MOBP: variants seen among roughly 807,000 people sequenced by gnomAD.
MOBP encodes myelin associated oligodendrocyte basic protein, also known as myelin-associated oligodendrocyte basic protein.
A neutral mutation model predicts 15.0 loss-of-function variants in MOBP; 5 were observed. The observed-to-expected ratio is 0.33, with a 90% CI of 0.17 to 0.70. MOBP has a LOEUF of 0.70. Among genes scored for constraint, MOBP ranks in the 30% least tolerant of loss-of-function variants. MOBP has a pLI of 0.67. For synonymous variants in MOBP, 88 were observed against 99.0 expected, an observed-to-expected ratio of 0.89 and a Z score of 0.66; for missense variants, 188 against 257.8, an observed-to-expected ratio of 0.73 and a Z score of 1.85.
chr3:39,482,592 C>T (rs931621793), intron 2 of MOBP, among the ~76,000 whole-genome samples: 7 of 144,596 alleles, frequency 4.8e-5, no homozygotes, highest in South Asian at 2.2e-4. Context: ...GTGGAGCTTG[C>T]AGTGAGCAGA....
chr3:39,521,947 G>C (rs944987584), intron 3 of MOBP, among the ~76,000 whole-genome samples: 2 of 152,186 alleles, frequency 1.3e-5, no homozygotes, highest in African/African-American at 4.8e-5. Context: ...ATTGGTTGAT[G>C]GTCTTGTGGT....
At chr3:39,484,911 G>T (rs2042679856) in intron 2 of MOBP, among the ~76,000 whole-genome samples, 1 of 152,178 alleles carries the variant, frequency 6.6e-6, no homozygotes, top group Non-Finnish European at 1.5e-5. Context: ...ACATTAGTTT[G>T]TCCTTGTTGC....
At chr3:39,528,642 A>G (rs901968318), downstream of MOBP, 4 of 152,264 alleles carry the variant, frequency 2.6e-5, no homozygotes, top group African/African-American at 9.6e-5. Context: ...GTTTCTTTCT[A>G]TAAGGAGACA....
rs1559411940 is a variant in MOBP, at chr3:39,469,028, A to ATATACATATATACATATGTGTGTG, written c.-89+1292_-89+1293insCATATATACATATGTGTGTGTATA. 4.1e-4 allele frequency among the ~76,000 whole-genome samples: 22 copies of ATATACATATATACATATGTGTGTG among 53,966 alleles called. 3 individuals carry two copies. In the East Asian group the frequency reaches 5.0e-3, roughly 12 times the overall value. The allele number at this position is 53,966 out of a possible 152,430, so 35.4% of individuals were successfully genotyped here. On this transcript the variant is annotated intron_variant, in intron 1 of 3. Transcript: ENST00000684792. Reference sequence around the variant, plus strand: ...TATACATATATACATATGTGTGTATATATATACATATATACATATGTGTGT... The same window carrying ATATACATATATACATATGTGTGTG: ...TATACATATATACATATGTGTGTATATATACATATATACATATGTGTGTGTATATACATATATACATATGTGTGT...
chr3:39,503,334 C>T (rs1397972173), downstream of MOBP, among the ~76,000 whole-genome samples: 2 of 152,204 alleles, frequency 1.3e-5, no homozygotes, highest in Admixed American at 1.3e-4. Context: ...TTCACTCATT[C>T]ACTTACTCAA....
chr3:39,467,881 C>T (rs1471958112), intron 1 of MOBP, 141 bp downstream of exon 1: 1 of 152,114 alleles, frequency 6.6e-6, no homozygotes, highest in South Asian at 2.1e-4. Flanking sequence ...AGAGGACATA[C>T]AAGGATGGAG....
chr3:39,495,077 T>G (rs2042858295), intron 2 of MOBP, among the ~76,000 whole-genome samples: 1 of 152,148 alleles, frequency 6.6e-6, no homozygotes, highest in South Asian at 2.1e-4. Flanking sequence ...AGGAGTAAAC[T>G]GCTAGACTAC....
intron 2 of MOBP, among the ~76,000 whole-genome samples, chr3:39,491,177 G>A (rs77060785): frequency 0.11 from 17,254 of 152,082 alleles, 1,210 homozygotes; most frequent in Middle Eastern, 0.19. Context: ...TAGGTATGTC[G>A]CAGTGATGTC....
Position 39,487,323 on chromosome 3 carries a change from C to G in MOBP, c.-5+7200C>G, listed in dbSNP as rs189158581. Among the ~76,000 whole-genome samples, 9 of 152,064 alleles carry G rather than the reference C, an allele frequency of 5.9e-5. No individual in the cohort carries two copies. In the East Asian group the frequency reaches 1.7e-3, roughly 29 times the overall value. ...TTATTTGTTGAAGAATCTATCTGCC[C>G]CCTACCAATTTATAATAACATCCCT... On this transcript the variant is annotated intron_variant, in intron 2 of 3. Transcript: ENST00000684792.
chr3:39,468,855 G>A lies in MOBP; in HGVS notation c.-89+1115G>A, dbSNP rs13321580. ...TGTGTGTATATATACATATATACATGAGTGTGTATATATACATATATACAT... is the reference window on the plus strand; with the variant it reads ...TGTGTGTATATATACATATATACATAAGTGTGTATATATACATATATACAT... On this transcript the variant is annotated intron_variant, in intron 1 of 3. Coordinates refer to ENST00000684792, the MANE Select transcript of MOBP (RefSeq NM_001393704.1). Among the ~76,000 whole-genome samples, 55 of 83,076 alleles carry A rather than the reference G, an allele frequency of 6.6e-4. 7 individuals are homozygous for A. The highest frequency in any genetic ancestry group is 3.3e-3 in the African/African-American group (32 of 9,568). The allele number at this position is 83,076 out of a possible 152,430, so 54.5% of individuals were successfully genotyped here.
downstream of MOBP, among the ~76,000 whole-genome samples, chr3:39,519,119 CA>C (rs2043236499): frequency 2.0e-5 from 3 of 152,248 alleles, no homozygotes; most frequent in South Asian, 6.2e-4. Flanking sequence ...AATCTTGATG[CA>C]GGAAGAAGAA....
Position 39,502,840 on chromosome 3 carries a change from G to A in MOBP, c.512G>A (p.Ser171Asn). 6.7e-7 allele frequency: 1 copy of A among 1,489,672 alleles called. No homozygotes were observed. The highest frequency in any genetic ancestry group is 9.0e-7 in the Non-Finnish European group (1 of 1,112,360). 92.3% of individuals were successfully genotyped at this position (1,489,672 alleles called of 1,614,324 possible). A position where few individuals can be genotyped will look rare whatever the true frequency, so the allele number is the denominator to read the frequency against. Residue 171 changes from serine (S) to asparagine (N), a missense_variant, in exon 4 of 4, where the codon AGC (serine) becomes AAC (asparagine). Ser to Asn is a conservative substitution (Grantham distance 46). Transcript: ENST00000684792. This position sits in a 1 kb window ranked among gnomAD's most constrained non-coding sequence, Gnocchi z 6.3. ...AGCCCCCTCAGAGGGCCAGGCGCCA[G>A]CCGTGGGGGGTCCCCCGTCAAAGCT... ...RSSPLRGPGASRGGSPVKASR... is the reference protein window; with the variant it reads ...RSSPLRGPGANRGGSPVKASR...
downstream of MOBP, among the ~76,000 whole-genome samples, chr3:39,519,934 G>T (rs1339181350): frequency 1.4e-5 from 2 of 147,796 alleles, no homozygotes; most frequent in African/African-American, 5.0e-5. Context: ...TCACCTCAAT[G>T]CGTACATCTC....
chr3:39,510,773 T>C (rs1422207471), intron 4 of MOBP, among the ~76,000 whole-genome samples: 1 of 152,242 alleles, frequency 6.6e-6, no homozygotes, highest in Non-Finnish European at 1.5e-5. Flanking sequence ...TTCTTTTCAA[T>C]CTGTATGCCT....
chr3:39,502,220 T>C lies in MOBP; in HGVS notation c.151T>C (p.Cys51Arg). 1 of 1,614,226 alleles carries C rather than the reference T, an allele frequency of 6.2e-7. No homozygotes were observed. The highest frequency in any genetic ancestry group is 8.5e-7 in the Non-Finnish European group (1 of 1,180,040). The part of the protein sequence containing the change: ...DRKYSICKSG[C>R]FYQKKEEDWI... ...GAAATACAGCATCTGTAAGAGCGGCTGCTTCTACCAGAAGAAAGAGGAGGA... is the reference window on the plus strand; with the variant it reads ...GAAATACAGCATCTGTAAGAGCGGCCGCTTCTACCAGAAGAAAGAGGAGGA... Residue 51 changes from cysteine (C) to arginine (R), a missense_variant, in exon 3 of 4, where the codon TGC (cysteine) becomes CGC (arginine). By Grantham distance (180) the Cys-to-Arg change is radical. Coordinates refer to ENST00000684792, the MANE Select transcript of MOBP (RefSeq NM_001393704.1). This position sits in a 1 kb window ranked among gnomAD's most constrained non-coding sequence, Gnocchi z 6.3.
intron 2 of MOBP, among the ~76,000 whole-genome samples, chr3:39,494,796 C>CCCCCCA (rs3036570): frequency 7.7e-5 from 9 of 117,466 alleles, no homozygotes; most frequent in Admixed American, 1.0e-4. Context: ...CCCCCCGCCC[C>CCCCCCA]CCGAGTTACG....
chr3:39,490,170 C>G (rs1482767356), intron 2 of MOBP, among the ~76,000 whole-genome samples: 3 of 152,186 alleles, frequency 2.0e-5, no homozygotes, highest in African/African-American at 7.2e-5. Context: ...CATTACCACT[C>G]CTGTTTCTGG....
intron 2 of MOBP, among the ~76,000 whole-genome samples, chr3:39,483,918 A>G (rs1707953): frequency 0.3 from 45,344 of 152,066 alleles, 9,146 homozygotes; most frequent in African/African-American, 0.57. Flanking sequence ...AACATCCCAG[A>G]GGACAGAAGC....
intron 2 of MOBP, among the ~76,000 whole-genome samples, chr3:39,481,234 A>T (rs2042623996): frequency 6.6e-6 from 1 of 152,012 alleles, no homozygotes; most frequent in Non-Finnish European, 1.5e-5. Context: ...CTTCAACTAG[A>T]CTCCCAAAAC....
Sources: allele counts gnomAD v4.1 joint callset (sites outside exome capture counted in the v4.1 genomes callset), GRCh38; gene constraint gnomAD v4.1.1; non-coding constraint Gnocchi (gnomAD v3.1); transcripts MANE v1.5; gene names NCBI Gene and HGNC (gene_info 2026-07-23, HGNC 2026-07-21).